Variants in HSPG2 observed in about 807,000 individuals in gnomAD.
The protein encoded by HSPG2 is basement membrane-specific heparan sulfate proteoglycan core protein.
HSPG2 carries 278 observed loss-of-function variants against 526.6 expected under a neutral mutation model. The observed-to-expected ratio is 0.53, with a 90% CI of 0.48 to 0.58. HSPG2 has a LOEUF of 0.58. HSPG2 is among the 20% of genes least tolerant of loss of function. The pLI, the probability that HSPG2 is intolerant of heterozygous loss-of-function variation, is 0.00. For synonymous variants in HSPG2, 2,465 were observed against 2,555.4 expected (o/e 0.96, Z 1.07); for missense variants, 5,354 against 6,099.5 (o/e 0.88, Z 4.07).
chr1:21,877,610 G>T, intron 21 of HSPG2: 1 of 153,598 alleles, frequency 6.5e-6, no homozygotes. Context: ...TGATTCTCCT[G>T]CCTCAGCCTC....
At chr1:21,869,781 C>A (rs1640506781) in intron 33 of HSPG2, 1 of 951,252 alleles carries the variant, frequency 1.1e-6, no homozygotes, top group African/African-American at 1.8e-5. Flanking sequence ...TGTCTGCTCA[C>A]AAGTGCTGAT....
intron 1 of HSPG2, among the ~76,000 whole-genome samples, chr1:21,907,576 A>G (rs58639819): frequency 0.093 from 14,088 of 152,212 alleles, 1,598 homozygotes; most frequent in African/African-American, 0.25. Context: ...TCTGTCGCCC[A>G]GGCTGGAGGG....
intron 1 of HSPG2, among the ~76,000 whole-genome samples, chr1:21,918,429 C>T (rs1051447399): frequency 3.3e-5 from 5 of 149,960 alleles, no homozygotes; most frequent in South Asian, 2.1e-4. Context: ...GGCGCCACTG[C>T]ACTCCAGCAT....
Position 21,880,434 on chromosome 1 carries a change from G to A in HSPG2, c.2124C>T (p.Ser708=), listed in dbSNP as rs139220302. The A allele has an allele frequency of 2.7e-5, 43 of 1,613,876 alleles. No individual in the cohort carries two copies. The highest frequency in any genetic ancestry group is 3.3e-4 in the Middle Eastern group (2 of 6,084). ...YNTKMASVGL[S]DIAMDTTVTH... is the part of the protein sequence containing the mutation. ...TGACGGTGGTATCCATGGCGATGTC[G>A]CTAAGTCCCACGCTGGCCATCTTGG... Residue 708 remains serine, a synonymous_variant, in exon 16 of 97, where the codon AGC becomes AGT. Transcript: ENST00000374695.
At chr1:21,917,039 T>C (rs1468153029) in intron 1 of HSPG2, among the ~76,000 whole-genome samples, 1 of 152,252 alleles carries the variant, frequency 6.6e-6, no homozygotes, top group African/African-American at 2.4e-5. Flanking sequence ...CAAGTCTGTC[T>C]GCTTTTGGCC....
intron 1 of HSPG2, 108 bp downstream of exon 1, chr1:21,937,047 C>T (rs1644507126): frequency 6.0e-6 from 2 of 332,668 alleles, no homozygotes; most frequent in African/African-American, 2.2e-5. Context: ...GAGTCCCCGC[C>T]GCGCAGCCTT....
chr1:21,823,400 G>C lies in HSPG2; in HGVS notation c.13092C>G (p.Ala4364=). 6.4e-7 allele frequency: 1 copy of C among 1,568,866 alleles called. No individual in the cohort carries two copies. The highest frequency in any genetic ancestry group is 8.6e-7 in the Non-Finnish European group (1 of 1,162,090). The change falls in exon 97 of 97, where the codon GCC becomes GCG. Residue 4364 remains alanine, a synonymous_variant. Coordinates refer to ENST00000374695, the MANE Select transcript of HSPG2 (RefSeq NM_005529.7). ...GCVKNLVLHS[A]RPGAPPPQPL... is the part of the protein sequence containing the mutation. ...GCTGTGGGGGCGGGGCGCCGGGTCG[G>C]GCCGAGTGCAGCACCAGGTTCTTGA...
At chr1:21,930,687 T>A (rs924327533) in intron 1 of HSPG2, among the ~76,000 whole-genome samples, 16 of 151,432 alleles carry the variant, frequency 1.1e-4, no homozygotes, top group African/African-American at 3.9e-4. Context: ...GGCAGGAGAA[T>A]CTCTTGAACC....
chr1:21,838,681 C>T, intron 74 of HSPG2, 144 bp downstream of exon 74: 1 of 848,056 alleles, frequency 1.2e-6, no homozygotes, highest in Non-Finnish European at 1.9e-6. Context: ...GCAAGCCTGC[C>T]TCGGGCCCTG....
At chr1:21,910,945 C>T (rs115895693) in intron 1 of HSPG2, among the ~76,000 whole-genome samples, 6,019 of 152,196 alleles carry the variant, frequency 0.04, 151 homozygotes, top group African/African-American at 0.069. Context: ...CGCCTGAGGT[C>T]GCAAATGGCC....
intron 1 of HSPG2, among the ~76,000 whole-genome samples, chr1:21,919,697 G>A (rs75961065): frequency 0.012 from 1,792 of 152,202 alleles, 28 homozygotes; most frequent in African/African-American, 0.041. Context: ...TCTTGTCGGC[G>A]TGCAGATTCT....
In HSPG2 at chr1:21,848,146, A is replaced by G. The variant is rs528615186; in HGVS notation, c.7738-53T>C. 1.9e-6 allele frequency: 3 copies of G among 1,543,214 alleles called. No individual in the cohort carries two copies. The Admixed American group carries it at 5.9e-5, about 30-fold the overall frequency. On this transcript the variant is annotated intron_variant, in intron 59 of 96. Transcript: ENST00000374695. The surrounding 1 kb of genome is among the most constrained non-coding windows in gnomAD (Gnocchi z 4.9). The stretch of plus-strand genomic sequence containing the variant: ...GGCAGTAGGTGTGGGCAGCTCCTCC[A>G]CATCTTGGGCACTGCTGCCGCTGCC...
Position 21,839,057 on chromosome 1 carries a change from C to T in HSPG2, c.9918G>A (p.Glu3306=). 2 of 1,591,584 alleles carry T rather than the reference C, an allele frequency of 1.3e-6. No homozygotes were observed. The highest frequency in any genetic ancestry group is 1.7e-6 in the Non-Finnish European group (2 of 1,163,502). The change falls in exon 74 of 97, where the codon GAG becomes GAA. Residue 3306 remains glutamate, a synonymous_variant. Transcript: ENST00000374695. The surrounding 1 kb of genome is among the most constrained non-coding windows in gnomAD (Gnocchi z 4.5). ...ESPPYATTVP[E]HASVQAGETV... is the part of the protein sequence containing the mutation. ...TCTCCCCTGCCTGCACCGAAGCGTG[C>T]TCTGGGACCGTGGTGGCATATGGTG...
intron 91 of HSPG2, 141 bp downstream of exon 91, chr1:21,827,722 G>T: frequency 1.0e-6 from 1 of 953,000 alleles, no homozygotes; most frequent in East Asian, 2.6e-5. Flanking sequence ...GCTCCACATG[G>T]CTGTGGTCTT....
intron 37 of HSPG2, among the ~76,000 whole-genome samples, chr1:21,863,612 T>C (rs1213671223): frequency 6.6e-6 from 1 of 151,040 alleles, no homozygotes; most frequent in African/African-American, 2.4e-5. Flanking sequence ...CCAGGCACAG[T>C]GGCTCATGTC....
intron 1 of HSPG2, among the ~76,000 whole-genome samples, chr1:21,928,246 C>T (rs747189938): frequency 6.6e-6 from 1 of 152,208 alleles, no homozygotes; most frequent in Non-Finnish European, 1.5e-5. Context: ...AATGAGGACA[C>T]AGACAAGTCA....
intron 1 of HSPG2, among the ~76,000 whole-genome samples, chr1:21,905,347 A>C (rs1643324394): frequency 2.0e-5 from 3 of 152,080 alleles, no homozygotes; most frequent in Non-Finnish European, 4.4e-5. Context: ...AGCCACATGC[A>C]TCCTCTCAAT....
chr1:21,846,590 C>T lies in HSPG2; in HGVS notation c.8174G>A (p.Ser2725Asn). Reference protein sequence around the residue: ...PSAGSPSAPGSSMPIRIESSS... With the variant: ...PSAGSPSAPGNSMPIRIESSS... ...TGACTCAATTCTGATGGGCATGGAG[C>T]TGCCAGGGGCTGGGGGAACAGAGAT... Residue 2725 changes from serine to asparagine, a missense_variant, in exon 63 of 97, where the codon AGC becomes AAC. Coordinates refer to ENST00000374695, the MANE Select transcript of HSPG2 (RefSeq NM_005529.7). The T allele has an allele frequency of 6.2e-7, 1 of 1,613,584 alleles. No homozygotes were observed. Among genetic ancestry groups the T allele is most frequent in the South Asian group, 1.1e-5 (1 of 91,088 alleles).
chr1:21,905,430 C>T (rs891742802), intron 1 of HSPG2, among the ~76,000 whole-genome samples: 2 of 152,214 alleles, frequency 1.3e-5, no homozygotes, highest in South Asian at 2.1e-4. Context: ...CCACTTCTTC[C>T]AGTTTTTGCT....
Sources: gnomAD v4.1 joint callset for allele counts (sites outside exome capture counted in the v4.1 genomes callset) on GRCh38, gnomAD v4.1.1 for gene constraint, Gnocchi (gnomAD v3.1) non-coding constraint, MANE v1.5 for transcripts, NCBI Gene and HGNC (gene_info 2026-07-23, HGNC 2026-07-21) for gene names.